LONP2: variants seen among roughly 807,000 people sequenced by gnomAD.
LONP2 encodes lon peptidase 2, peroxisomal.
A neutral mutation model predicts 85.6 loss-of-function variants in LONP2; 60 were observed. That is an observed-to-expected ratio of 0.70 (90% CI 0.57 to 0.87). LONP2 has a LOEUF of 0.87. Ranked by LOEUF, LONP2 falls within the 40% of genes least tolerant of loss-of-function variation. The pLI is 0.00. For synonymous variants in LONP2, 395 were observed against 389.7 expected (o/e 1.01, Z -0.16); for missense variants, 860 against 1,063.5 (o/e 0.81, Z 2.66).
chr16:48,294,750 AAC>A lies in LONP2; in HGVS notation c.1384-1263_1384-1262del, dbSNP rs757522394. On this transcript the variant is annotated intron_variant, in intron 8 of 14. Transcript: ENST00000285737. ...CTCTGTCTCAAACAAAACAAAACAA[AAC>A]AAAACAAAAAACTAACTTTGGATAG... is the stretch of plus-strand genomic sequence containing the variant. Among the ~76,000 whole-genome samples the A allele has an allele frequency of 1.0e-3, 158 of 152,300 alleles. 2 individuals carry two copies. Among genetic ancestry groups the A allele is most frequent in the Non-Finnish European group, 1.8e-3 (122 of 68,022 alleles).
intron 11 of LONP2, among the ~76,000 whole-genome samples, chr16:48,310,814 T>C (rs1473765310): frequency 6.6e-6 from 1 of 152,222 alleles, no homozygotes; most frequent in East Asian, 1.9e-4. Context: ...TTTGTTCCCA[T>C]GTTTAGAACT....
chr16:48,274,339 C>CT (rs777072333), intron 7 of LONP2, among the ~76,000 whole-genome samples: 3 of 152,046 alleles, frequency 2.0e-5, no homozygotes, highest in Non-Finnish European at 4.4e-5. Context: ...GATTTATCGT[C>CT]TATCTCCTTT....
At chr16:48,277,511 A>G in intron 8 of LONP2, 32 bp downstream of exon 8, 10 of 1,605,740 alleles carry the variant, frequency 6.2e-6, no homozygotes, top group Non-Finnish European at 8.5e-6. Flanking sequence ...GTCTGTCTTC[A>G]TACTGGAAGA....
intron 8 of LONP2, among the ~76,000 whole-genome samples, chr16:48,286,469 C>A (rs1393230877): frequency 6.6e-6 from 1 of 151,882 alleles, no homozygotes; most frequent in Non-Finnish European, 1.5e-5. Context: ...TCTAATAAAT[C>A]CAACATGTCT....
At position 48,290,983 on chromosome 16, in the gene LONP2, T is replaced by C. The variant is rs898708620; in HGVS notation, c.1384-5032T>C. ...TCACTAACATACAAAATGATACTTA[T>C]CACTTTGGTGATTCCAAGGATTTTA... On this transcript the variant is annotated intron_variant, in intron 8 of 14. Transcript: ENST00000285737. 3.3e-5 allele frequency among the ~76,000 whole-genome samples: 5 copies of C among 152,326 alleles called. 1 individual carries two copies. The South Asian group carries it at 8.3e-4, about 25-fold the overall frequency.
At chr16:48,347,845 A>C (rs1039552081) in intron 13 of LONP2, 131 bp downstream of exon 13, 5 of 884,558 alleles carry the variant, frequency 5.7e-6, no homozygotes, top group African/African-American at 1.7e-5. Context: ...CCCTGTGGAA[A>C]TCCTAGTTCC....
intron 6 of LONP2, among the ~76,000 whole-genome samples, chr16:48,267,730 C>T (rs2150974581): frequency 6.6e-6 from 1 of 152,202 alleles, no homozygotes; most frequent in African/African-American, 2.4e-5. Flanking sequence ...ACTCTCCTGC[C>T]CTAGTCTACT....
At chr16:48,290,481 C>T (rs1055922013) in intron 8 of LONP2, among the ~76,000 whole-genome samples, 8 of 152,122 alleles carry the variant, frequency 5.3e-5, no homozygotes, top group African/African-American at 1.7e-4. Context: ...AGATGCCAGT[C>T]GTGAGTTGAC....
chr16:48,305,217 T>A (rs1972888898), intron 11 of LONP2, among the ~76,000 whole-genome samples: 1 of 152,204 alleles, frequency 6.6e-6, no homozygotes, highest in African/African-American at 2.4e-5. Flanking sequence ...TTGTATTTTA[T>A]CCAGACTTTA....
intron 11 of LONP2, among the ~76,000 whole-genome samples, chr16:48,324,471 C>G (rs532776830): frequency 1.6e-4 from 25 of 152,294 alleles, no homozygotes; most frequent in African/African-American, 5.3e-4. Context: ...CATTTTGCTC[C>G]TACTCCATCA....
In LONP2 at chr16:48,310,946, T is replaced by C. The variant is rs146551437; in HGVS notation, c.1795+7641T>C. ...ACACTAGCAGGATACAAAATTCGAG[T>C]TTGACCATTTTCTTTAAGCACTTTG... On this transcript the variant is annotated intron_variant, in intron 11 of 14. Coordinates refer to ENST00000285737, the MANE Select transcript of LONP2 (RefSeq NM_031490.5). Among the ~76,000 whole-genome samples, 514 of 152,324 alleles carry C rather than the reference T, an allele frequency of 3.4e-3. 2 individuals carry two copies. Among genetic ancestry groups the C allele is most frequent in the African/African-American group, 0.012 (492 of 41,566 alleles).
At chr16:48,277,524 A>G (rs372471495) in intron 8 of LONP2, 45 bp downstream of exon 8, 2 of 1,588,546 alleles carry the variant, frequency 1.3e-6, no homozygotes, top group Non-Finnish European at 1.7e-6. Context: ...CTGGAAGAGT[A>G]TGGAGGAGGG....
At chr16:48,359,257 T>G (rs1960486423), downstream of LONP2, among the ~76,000 whole-genome samples, 1 of 152,156 alleles carries the variant, frequency 6.6e-6, no homozygotes, top group Non-Finnish European at 1.5e-5. Context: ...AGCCACAGCG[T>G]CCAGCCACGT....
chr16:48,348,688 C>CT (rs1374946460), intron 14 of LONP2, among the ~76,000 whole-genome samples: 1 of 151,994 alleles, frequency 6.6e-6, no homozygotes, highest in Non-Finnish European at 1.5e-5. Context: ...GAGACAGGGT[C>CT]TCTCTGTGTT....
At chr16:48,288,562 T>G (rs12103095) in intron 8 of LONP2, among the ~76,000 whole-genome samples, 31,320 of 152,012 alleles carry the variant, frequency 0.21, 3,940 homozygotes, top group African/African-American at 0.35. Context: ...GAGGCTAGAA[T>G]TCCAAGACCA....
chr16:48,359,661 A>G (rs1474171343), downstream of LONP2, among the ~76,000 whole-genome samples: 1 of 152,106 alleles, frequency 6.6e-6, no homozygotes, highest in Non-Finnish European at 1.5e-5. Context: ...GGTTGCAGTG[A>G]GCCGAGATCA....
rs1329820493 is a variant in LONP2, at chr16:48,261,442, A to G, written c.742A>G (p.Ile248Val). ...ATGTTAGGTTATAGCAATACGCCCT[A>G]TTAGGAGAATTACACATATCTCAGG... ...DDKRVIAIRP[I>V]RRITHISGTL... Residue 248 changes from isoleucine (I) to valine (V), a missense_variant, in exon 5 of 15, where the codon ATT (isoleucine) becomes GTT (valine). By Grantham distance (29) the Ile-to-Val change is conservative. Coordinates refer to ENST00000285737, the MANE Select transcript of LONP2 (RefSeq NM_031490.5). 1.2e-6 allele frequency: 2 copies of G among 1,605,174 alleles called. No homozygotes were observed. Among genetic ancestry groups the G allele is most frequent in the African/African-American group, 1.3e-5 (1 of 74,226 alleles).
At chr16:48,322,623 C>G (rs1393789207) in intron 11 of LONP2, among the ~76,000 whole-genome samples, 1 of 152,046 alleles carries the variant, frequency 6.6e-6, no homozygotes, top group African/African-American at 2.4e-5. Flanking sequence ...GCCTGTAGTC[C>G]CAGCTACTCA....
chr16:48,337,164 C>T (rs1442555465), intron 12 of LONP2, among the ~76,000 whole-genome samples: 1 of 152,230 alleles, frequency 6.6e-6, no homozygotes, highest in Non-Finnish European at 1.5e-5. Context: ...AGGATTCAGA[C>T]TCAGATCAGC....
Sources: allele counts gnomAD v4.1 joint callset (sites outside exome capture counted in the v4.1 genomes callset), GRCh38; gene constraint gnomAD v4.1.1; transcripts MANE v1.5; gene names NCBI Gene and HGNC (gene_info 2026-07-23, HGNC 2026-07-21).